The following EFCAB5 variants were observed in gnomAD, a reference collection of about 807,000 sequenced individuals.
The protein encoded by EFCAB5 is EF-hand calcium binding domain 5, also known as EF-hand calcium-binding domain-containing protein 5.
In EFCAB5, 131 loss-of-function variants were observed where a neutral mutation model predicts 167.9. That is an observed-to-expected ratio of 0.78 (90% CI 0.68 to 0.90). The LOEUF is 0.90. EFCAB5 is among the 40% of genes least tolerant of loss of function. The probability of loss-of-function intolerance (pLI) is 0.00; values close to 1 mark genes in which losing one functional copy is unlikely to be tolerated. For missense variants in EFCAB5, 1,663 were observed against 1,745.2 expected (o/e 0.95, Z 0.84); for synonymous variants, 574 against 602.8 (o/e 0.95, Z 0.70).
intron 13 of EFCAB5, among the ~76,000 whole-genome samples, chr17:30,058,310 C>A (rs2070332973): frequency 6.6e-6 from 1 of 152,172 alleles, no homozygotes; most frequent in African/African-American, 2.4e-5. Flanking sequence ...TTCCTAAGAA[C>A]TTACTACTTA....
chr17:30,005,076 G>T (rs2068748041), intron 7 of EFCAB5, among the ~76,000 whole-genome samples: 1 of 152,036 alleles, frequency 6.6e-6, no homozygotes, highest in South Asian at 2.1e-4. Flanking sequence ...TCCCAGAAAT[G>T]GAACAAATAT....
chr17:29,932,713 C>T (rs547940137), intron 1 of EFCAB5, among the ~76,000 whole-genome samples: 4 of 152,216 alleles, frequency 2.6e-5, no homozygotes, highest in African/African-American at 4.8e-5. Context: ...CTGCCTTGGC[C>T]TCACAAAGTG....
chr17:30,096,954 C>T (rs1431724804), intron 22 of EFCAB5, among the ~76,000 whole-genome samples: 2 of 148,598 alleles, frequency 1.3e-5, no homozygotes, highest in South Asian at 2.1e-4. Flanking sequence ...GCTGGGGTTA[C>T]AGGCATGAGC....
Position 30,011,103 on chromosome 17 carries a change from C to A in EFCAB5, c.1044+11127C>A, listed in dbSNP as rs540273052. ...GTCAGGTTTGTCAAAGATCAGATGG[C>A]TGTAGATATGTGGATGTGTGGTGTT... On this transcript the variant is annotated intron_variant, in intron 7 of 22. Coordinates refer to ENST00000394835, the MANE Select transcript of EFCAB5 (RefSeq NM_198529.4). Among the ~76,000 whole-genome samples, 5 of 152,020 alleles carry A rather than the reference C, an allele frequency of 3.3e-5. No homozygotes were observed. The East Asian group carries it at 9.7e-4, about 29-fold the overall frequency.
chr17:29,978,700 G>A (rs533627501), intron 4 of EFCAB5, among the ~76,000 whole-genome samples: 2 of 152,292 alleles, frequency 1.3e-5, no homozygotes, highest in African/African-American at 4.8e-5. Context: ...GACAAGGTGT[G>A]GTTGTCCTGA....
chr17:29,935,651 G>A (rs1248772205), intron 1 of EFCAB5, among the ~76,000 whole-genome samples: 1 of 150,846 alleles, frequency 6.6e-6, no homozygotes, highest in Non-Finnish European at 1.5e-5. Context: ...ACCTAAAAAA[G>A]TAAAAAGAGA....
At chr17:29,965,741 G>A (rs2067815856) in intron 3 of EFCAB5, among the ~76,000 whole-genome samples, 1 of 152,154 alleles carries the variant, frequency 6.6e-6, no homozygotes, top group South Asian at 2.1e-4. Flanking sequence ...ATTGGTCATA[G>A]ATGTATGGGT....
intron 14 of EFCAB5, among the ~76,000 whole-genome samples, chr17:30,066,398 A>G (rs2070571624): frequency 6.6e-6 from 1 of 152,122 alleles, no homozygotes; most frequent in South Asian, 2.1e-4. Flanking sequence ...TTTACTTTTT[A>G]CTTTTTAATT....
At chr17:30,048,355 A>AAG (rs58223361) in intron 8 of EFCAB5, among the ~76,000 whole-genome samples, 1 of 152,020 alleles carries the variant, frequency 6.6e-6, no homozygotes, top group African/African-American at 2.4e-5. Flanking sequence ...AAAAAAAAAA[A>AAG]TACATAATCA....
At chr17:29,988,210 T>G (rs912745813) in intron 4 of EFCAB5, among the ~76,000 whole-genome samples, 1 of 152,130 alleles carries the variant, frequency 6.6e-6, no homozygotes, top group Non-Finnish European at 1.5e-5. Flanking sequence ...CTGGAAGAGG[T>G]GTATGAGCCC....
intron 7 of EFCAB5, among the ~76,000 whole-genome samples, chr17:30,021,140 T>C (rs2069168985): frequency 6.6e-6 from 1 of 151,476 alleles, no homozygotes; most frequent in African/African-American, 2.4e-5. Flanking sequence ...GAAATAATTT[T>C]TTTTTTTTTA....
At chr17:30,068,768 G>C in intron 14 of EFCAB5, 2 of 1,384,024 alleles carry the variant, frequency 1.4e-6, no homozygotes, top group Non-Finnish European at 2.1e-6. Flanking sequence ...TGGCCCAAGG[G>C]CAACTTCTCC....
chr17:30,047,830 C>T (rs1025983917), intron 8 of EFCAB5, among the ~76,000 whole-genome samples: 13 of 152,112 alleles, frequency 8.5e-5, no homozygotes, highest in African/African-American at 1.9e-4. Context: ...AGCCTCTCAC[C>T]CAGATGCCAG....
intron 8 of EFCAB5, among the ~76,000 whole-genome samples, chr17:30,045,383 G>A (rs933821148): frequency 6.6e-6 from 1 of 150,496 alleles, no homozygotes; most frequent in African/African-American, 2.5e-5. Context: ...GATTGAACCC[G>A]GGAGGCAGAG....
At chr17:30,066,101 A>G (rs1473543305) in intron 14 of EFCAB5, among the ~76,000 whole-genome samples, 1 of 152,242 alleles carries the variant, frequency 6.6e-6, no homozygotes, top group Non-Finnish European at 1.5e-5. Flanking sequence ...GACCAAATGG[A>G]CCTAACAGAT....
In EFCAB5 at chr17:29,941,811, A is replaced by T. The variant is rs1352850886; in HGVS notation, c.15A>T (p.Ala5=). 6.2e-7 allele frequency: 1 copy of T among 1,605,986 alleles called. No individual in the cohort carries two copies. Residue 5 remains alanine, a synonymous_variant, in exon 1 of 23, where the codon GCA becomes GCT. Coordinates refer to ENST00000394835, the MANE Select transcript of EFCAB5 (RefSeq NM_198529.4). MNES[A]SQEELRPAQE... is the part of the protein sequence containing the mutation. ...TTGGAGTCCAAATGAATGAGTCAGC[A>T]TCTCAAGAGGAACTCAGACCTGCTC...
At position 30,057,830 on chromosome 17, in the gene EFCAB5, C is replaced by T. The variant is rs1778526479; in HGVS notation, c.2520C>T (p.Thr840=). Residue 840 remains threonine (T), a synonymous_variant, in exon 13 of 23, where the codon ACC becomes ACT. Transcript: ENST00000394835. ...CCTTGAGTGTCAGCGAGACTCTCAC[C>T]TCCTTTTTTAAGGAGGGCTATGTTG... The part of the protein sequence containing the change: ...DAPLSVSETL[T]SFFKEGYVET... 1 of 1,613,816 alleles carries T rather than the reference C, an allele frequency of 6.2e-7. No individual in the cohort carries two copies. Among genetic ancestry groups the T allele is most frequent in the Non-Finnish European group, 8.5e-7 (1 of 1,179,776 alleles).
At chr17:30,097,037 CATATACATATACATAT>C (rs1198228507) in intron 22 of EFCAB5, among the ~76,000 whole-genome samples, 20 of 94,304 alleles carry the variant, frequency 2.1e-4, no homozygotes, top group African/African-American at 1.0e-3. Context: ...TATACATATA[CATATACATATACATAT>C]ATATATATTT....
At chr17:29,999,670 G>C (rs1597646844) in intron 6 of EFCAB5, among the ~76,000 whole-genome samples, 1 of 152,028 alleles carries the variant, frequency 6.6e-6, no homozygotes, top group East Asian at 1.9e-4. Context: ...TCCCAATCCA[G>C]ACATTAAAAA....
Sources: gnomAD v4.1 joint callset for allele counts (sites outside exome capture counted in the v4.1 genomes callset) on GRCh38, gnomAD v4.1.1 for gene constraint, MANE v1.5 for transcripts, NCBI Gene and HGNC (gene_info 2026-07-23, HGNC 2026-07-21) for gene names.